The following CUL5 variants were observed in gnomAD, a reference collection of about 807,000 sequenced individuals.
The protein encoded by CUL5 is cullin 5, also known as cullin-5.
In CUL5, 26 loss-of-function variants were observed where a neutral mutation model predicts 108.8. The ratio of observed to expected loss-of-function variants is 0.24; its 90% confidence interval spans 0.18 to 0.33. The LOEUF (loss-of-function observed/expected upper bound fraction) is 0.33, where lower values mean the gene tolerates loss of function less well. Among genes scored for constraint, CUL5 ranks in the 10% least tolerant of loss-of-function variants. The pLI, the probability that CUL5 is intolerant of heterozygous loss-of-function variation, is 1.00. For synonymous variants in CUL5, 334 were observed against 298.0 expected (o/e 1.12, Z -1.25); for missense variants, 524 against 909.2 (o/e 0.58, Z 5.45).
chr11:108,089,413 TTGG>T lies in CUL5; in HGVS notation c.1312-75_1312-73del, dbSNP rs1331918256. The stretch of plus-strand genomic sequence containing the variant: ...CATAAAAGTTTCTGACTTGTGACAA[TTGG>T]TGGATATAGAAAGGTCTAAATTCGA... On this transcript the variant is annotated intron_variant, in intron 12 of 18. Transcript: ENST00000393094. The T allele has an allele frequency of 4.0e-4, 425 of 1,054,420 alleles. 2 individuals are homozygous for T. Among genetic ancestry groups the T allele is most frequent in the Non-Finnish European group, 4.9e-4 (358 of 734,108 alleles). 65.3% of individuals were successfully genotyped at this position (1,054,420 alleles called of 1,614,324 possible).
chr11:108,058,496 C>T (rs1233885719), intron 7 of CUL5, among the ~76,000 whole-genome samples: 1 of 151,500 alleles, frequency 6.6e-6, no homozygotes. Context: ...GATCTGCCCG[C>T]GGCGGCCTCC....
At chr11:108,026,449 G>A (rs1591279513) in intron 1 of CUL5, among the ~76,000 whole-genome samples, 1 of 152,082 alleles carries the variant, frequency 6.6e-6, no homozygotes, top group Admixed American at 6.6e-5. Context: ...GGAAATTAAA[G>A]CAATAAAATA....
intron 11 of CUL5, among the ~76,000 whole-genome samples, chr11:108,086,278 G>A (rs1864221337): frequency 6.6e-6 from 1 of 152,086 alleles, no homozygotes; most frequent in Non-Finnish European, 1.5e-5. Flanking sequence ...ACAGCCACGG[G>A]GGAAAAATAA....
At chr11:108,012,418 C>T (rs1355559972) in intron 1 of CUL5, among the ~76,000 whole-genome samples, 1 of 151,938 alleles carries the variant, frequency 6.6e-6, no homozygotes, top group African/African-American at 2.4e-5. Flanking sequence ...TCTTGTTTCT[C>T]CTATGTTCTT....
chr11:108,031,185 T>C (rs1862572056), intron 1 of CUL5, among the ~76,000 whole-genome samples: 1 of 151,768 alleles, frequency 6.6e-6, no homozygotes, highest in African/African-American at 2.4e-5. Flanking sequence ...CTGGGCAACA[T>C]GGCGAAACCC....
rs114099764 is a variant in CUL5 at position 108,025,517 on chromosome 11, G to T, written c.25-8285G>T. On this transcript the variant is annotated intron_variant, in intron 1 of 18. Transcript: ENST00000393094. ...TGTGTCCAGAATATCACTCGGGGTA[G>T]GGCTACTTTGGCTCCACTATAGACT... is the stretch of plus-strand genomic sequence containing the variant. 4.7e-3 allele frequency among the ~76,000 whole-genome samples: 715 copies of T among 152,180 alleles called. 8 individuals are homozygous for T. Among genetic ancestry groups the T allele is most frequent in the African/African-American group, 0.016 (679 of 41,510 alleles).
At chr11:108,078,829 C>T (rs1240605834) in intron 11 of CUL5, among the ~76,000 whole-genome samples, 4 of 151,938 alleles carry the variant, frequency 2.6e-5, no homozygotes, top group East Asian at 3.9e-4. Context: ...TGAAAAATAA[C>T]GTTTCTTAAG....
At chr11:108,009,491 AG>A in intron 1 of CUL5, 119 bp downstream of exon 1, 4 of 1,110,882 alleles carry the variant, frequency 3.6e-6, no homozygotes, top group Non-Finnish European at 5.3e-6. Flanking sequence ...GTCCACTGGC[AG>A]GGAAGCCGCG....
chr11:108,047,897 A>T (rs1277951604), intron 3 of CUL5, among the ~76,000 whole-genome samples: 5 of 152,190 alleles, frequency 3.3e-5, no homozygotes. Flanking sequence ...ATTACCTTGG[A>T]TGTTCTTAAC....
chr11:108,081,701 G>A lies in CUL5; in HGVS notation c.1178+3461G>A, dbSNP rs142053067. Among the ~76,000 whole-genome samples, 344 of 152,272 alleles carry A rather than the reference G, an allele frequency of 2.3e-3. 2 individuals are homozygous for A. The highest frequency in any genetic ancestry group is 7.7e-3 in the African/African-American group (320 of 41,564). On this transcript the variant is annotated intron_variant, in intron 11 of 18. Transcript: ENST00000393094. ...TGGGAGGCAGAGCTTGCAGTGAGCTGAGATGGCGCTACTGCACTCCAGCCT... is the reference window on the plus strand; with the variant it reads ...TGGGAGGCAGAGCTTGCAGTGAGCTAAGATGGCGCTACTGCACTCCAGCCT...
intron 7 of CUL5, among the ~76,000 whole-genome samples, chr11:108,066,323 G>A (rs545509654): frequency 3.9e-5 from 6 of 151,964 alleles, no homozygotes; most frequent in African/African-American, 9.7e-5. Context: ...CAGCCTGGGC[G>A]ACAGAGCGAG....
At chr11:108,047,132 A>G (rs532404885) in intron 3 of CUL5, among the ~76,000 whole-genome samples, 39 of 152,214 alleles carry the variant, frequency 2.6e-4, no homozygotes, top group African/African-American at 8.7e-4. Flanking sequence ...AGCCTGGGAA[A>G]CATGGTGAGA....
chr11:108,055,029 C>T (rs1863338558), intron 7 of CUL5, 74 bp downstream of exon 7: 2 of 1,030,466 alleles, frequency 1.9e-6, no homozygotes, highest in South Asian at 3.1e-5. Flanking sequence ...AAATAAACAA[C>T]ATAAATAATA....
intron 1 of CUL5, among the ~76,000 whole-genome samples, chr11:108,010,454 T>C (rs574574055): frequency 6.6e-6 from 1 of 152,314 alleles, no homozygotes; most frequent in East Asian, 1.9e-4. Context: ...GAACAAATTT[T>C]ACTAAGAGGC....
chr11:108,093,609 A>T (rs550170479), intron 13 of CUL5, among the ~76,000 whole-genome samples: 1 of 152,296 alleles, frequency 6.6e-6, no homozygotes, highest in Non-Finnish European at 1.5e-5. Flanking sequence ...TGGGTTTATT[A>T]CTGGAAGACA....
chr11:108,090,129 G>A (rs1454947711), intron 13 of CUL5, among the ~76,000 whole-genome samples: 1 of 151,882 alleles, frequency 6.6e-6, no homozygotes, highest in Non-Finnish European at 1.5e-5. Context: ...CTTTGTTCTT[G>A]AGTTGTTTCT....
In CUL5 at chr11:108,088,664, A is replaced by G. The variant is rs541539443; in HGVS notation, c.1311+5A>G. 2.3e-4 allele frequency: 368 copies of G among 1,571,328 alleles called. No homozygotes were observed. The South Asian group carries it at 4.1e-3, about 18-fold the overall frequency. On this transcript the variant is annotated splice_donor_5th_base_variant and intron_variant, in intron 12 of 18. Coordinates refer to ENST00000393094, the MANE Select transcript of CUL5 (RefSeq NM_003478.6). ...GAAGCAAAGCTTAAAGAAGTGGTACATGAATTTTTTGTATTTCAACTTTTA... is the reference window on the plus strand; with the variant it reads ...GAAGCAAAGCTTAAAGAAGTGGTACGTGAATTTTTTGTATTTCAACTTTTA...
intron 1 of CUL5, among the ~76,000 whole-genome samples, chr11:108,013,730 A>G (rs1357262829): frequency 1.3e-5 from 2 of 151,964 alleles, no homozygotes; most frequent in East Asian, 1.9e-4. Flanking sequence ...ACTTTTTTTT[A>G]TCCTTTAAGA....
At position 108,049,929 on chromosome 11, in the gene CUL5, G is replaced by A; in HGVS notation, c.274G>A (p.Ala92Thr). The A allele has an allele frequency of 6.2e-7, 1 of 1,613,658 alleles. No homozygotes were observed. The highest frequency in any genetic ancestry group is 8.5e-7 in the Non-Finnish European group (1 of 1,179,878). Residue 92 changes from alanine to threonine, a missense_variant, in exon 4 of 19, where the codon GCA becomes ACA. Ala to Thr is a moderately conservative substitution (Grantham distance 58). Coordinates refer to ENST00000393094, the MANE Select transcript of CUL5 (RefSeq NM_003478.6). Reference sequence around the variant, plus strand: ...TCAAGATGATACGGCTTTGCTAAAAGCATATATTGTTGAATGGCGAAAGTT... The same window carrying A: ...TCAAGATGATACGGCTTTGCTAAAAACATATATTGTTGAATGGCGAAAGTT... Reference protein sequence around the residue: ...SHQDDTALLKAYIVEWRKFFT... With the variant: ...SHQDDTALLKTYIVEWRKFFT...
Sources: allele counts gnomAD v4.1 joint callset (sites outside exome capture counted in the v4.1 genomes callset), GRCh38; gene constraint gnomAD v4.1.1; transcripts MANE v1.5; gene names NCBI Gene and HGNC (gene_info 2026-07-23, HGNC 2026-07-21).